The following MECOM variants were observed in gnomAD, a reference collection of about 807,000 sequenced individuals.
The protein encoded by MECOM is histone-lysine N-methyltransferase MECOM.
MECOM carries 13 observed loss-of-function variants against 116.3 expected under a neutral mutation model. The ratio of observed to expected loss-of-function variants is 0.11; its 90% CI spans 0.07 to 0.18. MECOM has a LOEUF of 0.18. Ranked by LOEUF, MECOM falls within the 10% of genes least tolerant of loss-of-function variation. The pLI, the probability that MECOM is intolerant of heterozygous loss-of-function variation, is 1.00. For synonymous variants in MECOM, 528 were observed against 535.2 expected, an observed-to-expected ratio of 0.99 and a Z score of 0.19; for missense variants, 1,299 against 1,509.0, an observed-to-expected ratio of 0.86 and a Z score of 2.31.
chr3:169,438,001 G>T (rs115592950), intron 1 of MECOM, among the ~76,000 whole-genome samples: 1,836 of 152,258 alleles, frequency 0.012, 11 homozygotes, highest in Middle Eastern at 0.041. Context: ...AGCACTCTAC[G>T]TATATTAGCT....
chr3:169,628,472 GTTTAACA>G (rs1425225296), intron 1 of MECOM, among the ~76,000 whole-genome samples: 1 of 152,090 alleles, frequency 6.6e-6, no homozygotes, highest in Non-Finnish European at 1.5e-5. Context: ...ATTCAATTAG[GTTTAACA>G]TTTATGGAGC....
chr3:169,415,960 G>A (rs1385051920), intron 1 of MECOM, among the ~76,000 whole-genome samples: 1 of 152,074 alleles, frequency 6.6e-6, no homozygotes, highest in African/African-American at 2.4e-5. Context: ...ATATTAGACA[G>A]ATCAATGAGA....
chr3:169,144,827 T>A (rs1374273613), intron 2 of MECOM, among the ~76,000 whole-genome samples: 1 of 152,168 alleles, frequency 6.6e-6, no homozygotes, highest in Non-Finnish European at 1.5e-5. Context: ...TATCAAAGAC[T>A]AAGCAATATA....
At chr3:169,619,270 C>T (rs1384795556) in intron 1 of MECOM, among the ~76,000 whole-genome samples, 1 of 152,206 alleles carries the variant, frequency 6.6e-6, no homozygotes, top group Non-Finnish European at 1.5e-5. Flanking sequence ...GCTGAGAAGG[C>T]CGAGGAGAGA....
intron 1 of MECOM, among the ~76,000 whole-genome samples, chr3:169,558,360 T>G (rs1457021977): frequency 6.6e-6 from 1 of 152,194 alleles, no homozygotes; most frequent in East Asian, 1.9e-4. Context: ...CTATTATAAT[T>G]CACCTCCATC....
chr3:169,638,766 G>A (rs1459448364), intron 1 of MECOM, among the ~76,000 whole-genome samples: 6 of 152,110 alleles, frequency 3.9e-5, no homozygotes, highest in Non-Finnish European at 7.3e-5. Context: ...ATTAACATCC[G>A]TGGCAGAGTC....
intron 2 of MECOM, among the ~76,000 whole-genome samples, chr3:169,228,889 AT>A (rs1753056733): frequency 6.6e-6 from 1 of 152,184 alleles, no homozygotes; most frequent in Admixed American, 6.5e-5. Flanking sequence ...TAAATCCCAA[AT>A]TGGGCCACTC....
intron 16 of MECOM, among the ~76,000 whole-genome samples, chr3:169,087,818 C>T (rs1456947385): frequency 6.6e-6 from 1 of 152,134 alleles, no homozygotes; most frequent in Non-Finnish European, 1.5e-5. Context: ...AATCCACTTA[C>T]CCCTTTTACA....
chr3:169,466,832 A>G (rs892174928), intron 1 of MECOM, among the ~76,000 whole-genome samples: 6 of 152,194 alleles, frequency 3.9e-5, no homozygotes, highest in African/African-American at 1.4e-4. Context: ...TATAAAATTC[A>G]TCAATCCTAA....
chr3:169,478,210 T>C (rs185515637), intron 1 of MECOM, among the ~76,000 whole-genome samples: 53 of 152,362 alleles, frequency 3.5e-4, no homozygotes, highest in Non-Finnish European at 7.1e-4. Flanking sequence ...GGGGCATTTT[T>C]ACATAAAGGA....
intron 1 of MECOM, among the ~76,000 whole-genome samples, chr3:169,562,162 A>AG (rs1762724629): frequency 7.8e-6 from 1 of 128,438 alleles, no homozygotes; most frequent in Non-Finnish European, 1.6e-5. Flanking sequence ...AAAAAAAAAA[A>AG]GGAAAGAAAG....
At chr3:169,389,670 G>A in intron 1 of MECOM, 1 of 779,744 alleles carries the variant, frequency 1.3e-6, no homozygotes, top group Non-Finnish European at 1.6e-6. Flanking sequence ...CAGCAGACTG[G>A]GTGGTTACTC....
intron 1 of MECOM, among the ~76,000 whole-genome samples, chr3:169,620,051 A>G (rs994734693): frequency 5.9e-5 from 9 of 152,242 alleles, no homozygotes; most frequent in African/African-American, 2.2e-4. Context: ...TTTGTTTTTC[A>G]TAATAGCCAT....
intron 2 of MECOM, among the ~76,000 whole-genome samples, chr3:169,247,407 G>A (rs567902378): frequency 1.1e-3 from 171 of 152,188 alleles, no homozygotes; most frequent in Middle Eastern, 3.4e-3. Flanking sequence ...CCGCGTTCAA[G>A]TGATTCTCCT....
chr3:169,239,617 T>C lies in MECOM; in HGVS notation c.376-95785A>G, dbSNP rs373431442. 1.2e-4 allele frequency among the ~76,000 whole-genome samples: 19 copies of C among 152,116 alleles called. No individual in the cohort carries two copies. The South Asian group carries it at 3.7e-3, about 30-fold the overall frequency. On this transcript the variant is annotated intron_variant, in intron 2 of 16. Transcript: ENST00000651503. ...ATATGAGAACTTAAAAAGATATTTA[T>C]TTTGGGGGGTGTCCTAATAAATAAA...
intron 1 of MECOM, among the ~76,000 whole-genome samples, chr3:169,631,505 C>T (rs1457117892): frequency 6.6e-6 from 1 of 151,832 alleles, no homozygotes; most frequent in Non-Finnish European, 1.5e-5. Context: ...TACATGTGCA[C>T]AATGTGCAGG....
chr3:169,452,666 G>A (rs576195183), intron 1 of MECOM, among the ~76,000 whole-genome samples: 25 of 152,228 alleles, frequency 1.6e-4, no homozygotes, highest in Non-Finnish European at 2.5e-4. Flanking sequence ...CTTCAGAGGG[G>A]CCAGGTTTCC....
chr3:169,119,880 C>G (rs1730420578), intron 7 of MECOM, among the ~76,000 whole-genome samples: 1 of 151,932 alleles, frequency 6.6e-6, no homozygotes, highest in Non-Finnish European at 1.5e-5. Context: ...ACCCGGGGAA[C>G]AGAAGAGCAT....
At chr3:169,333,197 C>CA (rs1723037312) in intron 2 of MECOM, among the ~76,000 whole-genome samples, 1 of 151,542 alleles carries the variant, frequency 6.6e-6, no homozygotes, top group Non-Finnish European at 1.5e-5. Context: ...TGGCTGAAGC[C>CA]AAAAAAAGAG....
Sources: allele counts gnomAD v4.1 joint callset (sites outside exome capture counted in the v4.1 genomes callset), GRCh38; gene constraint gnomAD v4.1.1; transcripts MANE v1.5; gene names NCBI Gene and HGNC (gene_info 2026-07-23, HGNC 2026-07-21).